The following KPRP variants were observed in gnomAD, a reference collection of about 807,000 sequenced individuals.
KPRP encodes keratinocyte proline-rich protein.
For missense variants in KPRP, 820 were observed against 746.4 expected (o/e 1.10, Z -1.15); for synonymous variants, 282 against 276.9 (o/e 1.02, Z -0.18).
chr1:152,760,337 G>A (rs371161809), exon 1 of KPRP: 74 of 1,613,966 alleles, frequency 4.6e-5, no homozygotes, highest in Non-Finnish European at 5.6e-5. Flanking sequence ...CACCGCTCTC[G>A]GAGCACCAGC....
At chr1:152,760,271 G>T (rs1402018291) in exon 1 of KPRP, 9 of 1,614,062 alleles carry the variant, frequency 5.6e-6, no homozygotes, top group Non-Finnish European at 6.8e-6. Context: ...ACTTCATTTA[G>T]TCCCTGTGTG....
chr1:152,760,808 G>GTC lies in KPRP; in HGVS notation c.1222_1223dup (p.Arg409CysfsTer7). ...TGTCCACCTCCTGCTCCACGTCCAC[G>GTC]TCTGCGCCCAGAACCATGCATAAGT... On this transcript the variant is annotated frameshift_variant, in exon 1 of 1. Coordinates refer to ENST00000606109, the Ensembl canonical transcript of KPRP. LOFTEE classifies it low-confidence loss of function (END_TRUNC). 6.2e-7 allele frequency: 1 copy of GTC among 1,614,120 alleles called. No individual in the cohort carries two copies. The highest frequency in any genetic ancestry group is 8.5e-7 in the Non-Finnish European group (1 of 1,180,010).
Position 152,761,198 on chromosome 1 carries a change from AG to A in KPRP, c.1614del (p.Gln539LysfsTer32), listed in dbSNP as rs1651121549. ...TACTGTGGCCCATCCAGTTACAACCAGGGGCAAGAGAGTGGTGCTGGCTGTG... is the reference window on the plus strand; with the variant it reads ...TACTGTGGCCCATCCAGTTACAACCAGGGCAAGAGAGTGGTGCTGGCTGTG... On this transcript the variant is annotated frameshift_variant, in exon 1 of 1. Transcript: ENST00000606109. LOFTEE classifies it low-confidence loss of function (END_TRUNC). 1 of 1,614,036 alleles carries A rather than the reference AG, an allele frequency of 6.2e-7. No homozygotes were observed. Among genetic ancestry groups the A allele is most frequent in the South Asian group, 1.1e-5 (1 of 91,082 alleles).
chr1:152,759,371 C>A (rs1651033315), upstream of KPRP, among the ~76,000 whole-genome samples: 1 of 152,188 alleles, frequency 6.6e-6, no homozygotes, highest in Non-Finnish European at 1.5e-5. Flanking sequence ...ATCTGCAACC[C>A]TGGATGTGCC....
At chr1:152,760,976 G>C in exon 1 of KPRP, 1 of 1,612,018 alleles carries the variant, frequency 6.2e-7, no homozygotes, top group Non-Finnish European at 8.5e-7. Flanking sequence ...CCACGTCCAT[G>C]CCTGCAGCCC....
rs200488429 is a variant in KPRP at position 152,759,959 on chromosome 1, C to T, written c.371C>T (p.Ala124Val). 693 of 1,614,208 alleles carry T rather than the reference C, an allele frequency of 4.3e-4. 10 individuals are homozygous for T. The South Asian group carries it at 7.1e-3, about 17-fold the overall frequency. ...GAGGTGTCCTACGTGCAGTGCGAAG[C>T]GTCACAACCTGTTCAGACTTGCTTC... The change falls in exon 1 of 1, where the codon GCG becomes GTG. Residue 124 changes from alanine (A) to valine (V), a missense_variant. Ala to Val is a moderately conservative substitution (Grantham distance 64). Transcript: ENST00000606109.
chr1:152,760,615 T>A lies in KPRP; in HGVS notation c.1027T>A (p.Cys343Ser), dbSNP rs769591228. 1.9e-6 allele frequency: 3 copies of A among 1,609,140 alleles called. No individual in the cohort carries two copies. The Admixed American group carries it at 5.0e-5, about 27-fold the overall frequency. The change falls in exon 1 of 1, where the codon TGT (cysteine) becomes AGT (serine). Residue 343 changes from cysteine to serine, a missense_variant. Transcript: ENST00000606109. Reference sequence around the variant, plus strand: ...CCCCAGGCAGGTTCCCCCACAGAGGTGTCCTGTTGAGATTCCTCCCATCAG... The same window carrying A: ...CCCCAGGCAGGTTCCCCCACAGAGGAGTCCTGTTGAGATTCCTCCCATCAG...
At chr1:152,761,279 G>A (rs746782797) in exon 1 of KPRP, 1 of 1,614,166 alleles carries the variant, frequency 6.2e-7, no homozygotes, top group Non-Finnish European at 8.5e-7. Context: ...GGAGACCAAG[G>A]CAATGCCTTT....
exon 1 of KPRP, chr1:152,761,447 C>A: frequency 6.9e-7 from 1 of 1,456,706 alleles, no homozygotes; most frequent in South Asian, 1.5e-5. Flanking sequence ...CTCCCTATTA[C>A]GAAGGTGATG....
rs1371384279 is a variant in KPRP at position 152,760,832 on chromosome 1, G to A, written c.1244G>A (p.Ser415Asn). The change falls in exon 1 of 1, where the codon AGT becomes AAT. Residue 415 changes from serine to asparagine, a missense_variant. Transcript: ENST00000606109. The stretch of plus-strand genomic sequence containing the variant: ...CGTCTGCGCCCAGAACCATGCATAA[G>A]TCTAGAACCACGCCCGCGTCCTCTA... 10 of 1,614,036 alleles carry A rather than the reference G, an allele frequency of 6.2e-6. No homozygotes were observed. In the African/African-American group the frequency reaches 9.3e-5, roughly 15 times the overall value.
In KPRP at chr1:152,761,152, C is replaced by T. The variant is rs200079499; in HGVS notation, c.1564C>T (p.Arg522Cys). Residue 522 changes from arginine to cysteine, a missense_variant, in exon 1 of 1, where the codon CGC becomes TGC. Arg to Cys is a radical substitution (Grantham distance 180). Coordinates refer to ENST00000606109, the Ensembl canonical transcript of KPRP. ...AGGCTGTCATGAGTCTAGTCCACAC[C>T]GCCTAGACACCGAAGCTCCCTACTG... 2.7e-5 allele frequency: 44 copies of T among 1,614,134 alleles called. No individual in the cohort carries two copies. The Admixed American group carries it at 4.7e-4, about 17-fold the overall frequency.
At chr1:152,760,839 A>G (rs1289024181) in exon 1 of KPRP, 1 of 1,614,086 alleles carries the variant, frequency 6.2e-7, no homozygotes. Flanking sequence ...TAAGTCTAGA[A>G]CCACGCCCGC....
exon 1 of KPRP, chr1:152,760,665 G>A (rs935434692): frequency 5.6e-6 from 9 of 1,612,016 alleles, no homozygotes; most frequent in South Asian, 1.1e-5. Context: ...GCTGTGGCCC[G>A]CAGCCCTCCT....
exon 1 of KPRP, chr1:152,760,253 G>T (rs1242733211): frequency 2.5e-6 from 4 of 1,613,994 alleles, no homozygotes; most frequent in East Asian, 2.2e-5. Context: ...CCTCAGTATC[G>T]GTCCCGGACT....
chr1:152,759,645 G>C lies in KPRP; in HGVS notation c.57G>C (p.Lys19Asn), dbSNP rs1256698711. 5 of 1,614,128 alleles carry C rather than the reference G, an allele frequency of 3.1e-6. No individual in the cohort carries two copies. In the Admixed American group the frequency reaches 8.3e-5, roughly 27 times the overall value. Residue 19 changes from lysine to asparagine, a missense_variant, in exon 1 of 1, where the codon AAG becomes AAC. Lys to Asn is a moderately conservative substitution (Grantham distance 94). Transcript: ENST00000606109. ...TGCCGCTCCAACAGTGCTGCGTCAA[G>C]GGTCCCTCCTTCTGCTCCTCTCAAT... is the stretch of plus-strand genomic sequence containing the variant.
At chr1:152,760,430 G>A (rs1343842068) in exon 1 of KPRP, 1 of 1,613,836 alleles carries the variant, frequency 6.2e-7, no homozygotes, top group African/African-American at 1.3e-5. Flanking sequence ...TGCTCCAGCA[G>A]CTACCTGCCA....
chr1:152,760,553 G>T, exon 1 of KPRP: 1 of 1,610,190 alleles, frequency 6.2e-7, no homozygotes, highest in Middle Eastern at 1.6e-4. Context: ...CAGAGACGTG[G>T]CCCCAAGTGC....
At chr1:152,759,447 T>C, upstream of KPRP, 2 of 1,379,582 alleles carry the variant, frequency 1.4e-6, no homozygotes, top group Non-Finnish European at 1.9e-6. Context: ...GACACTTGGA[T>C]GAAAGTTGAG....
chr1:152,759,725 T>C (rs1026436182), exon 1 of KPRP: 4 of 1,614,190 alleles, frequency 2.5e-6, no homozygotes, highest in Non-Finnish European at 3.4e-6. Flanking sequence ...ATGCAAATTG[T>C]GGACTGCCCT....
Sources: allele counts gnomAD v4.1 joint callset (sites outside exome capture counted in the v4.1 genomes callset), GRCh38; gene constraint gnomAD v4.1.1; transcripts MANE v1.5; gene names NCBI Gene and HGNC (gene_info 2026-07-23, HGNC 2026-07-21).